Variants in PHACTR3 observed in about 807,000 individuals in gnomAD.
The protein encoded by PHACTR3 is phosphatase and actin regulator 3.
PHACTR3 carries 16 observed loss-of-function variants against 66.8 expected under a neutral mutation model. That is an observed-to-expected ratio of 0.24 (90% CI 0.16 to 0.36). PHACTR3 has a LOEUF of 0.36. Ranked by LOEUF, PHACTR3 falls within the 10% of genes least tolerant of loss-of-function variation. The probability of loss-of-function intolerance (pLI) is 1.00; values close to 1 mark genes in which losing one functional copy is unlikely to be tolerated. For synonymous variants in PHACTR3, 323 were observed against 292.1 expected (o/e 1.11, Z -1.08); for missense variants, 647 against 719.9 (o/e 0.90, Z 1.16).
Position 59,711,427 on chromosome 20 carries a change from C to T in PHACTR3, c.119-31680C>T, listed in dbSNP as rs116765858. On this transcript the variant is annotated intron_variant, in intron 1 of 12. Coordinates refer to ENST00000371015, the MANE Select transcript of PHACTR3 (RefSeq NM_080672.5). ...TAAGCTCATCTTTCCAAATCTTTTC[C>T]AATCTGATGAGTTGATTTTTAAGAA... is the stretch of plus-strand genomic sequence containing the variant. 4.6e-3 allele frequency among the ~76,000 whole-genome samples: 697 copies of T among 152,198 alleles called. 4 individuals are homozygous for T. Among genetic ancestry groups the T allele is most frequent in the African/African-American group, 0.016 (648 of 41,536 alleles).
chr20:59,742,091 C>T (rs1428707686), intron 1 of PHACTR3, among the ~76,000 whole-genome samples: 1 of 152,222 alleles, frequency 6.6e-6, no homozygotes, highest in African/African-American at 2.4e-5. Flanking sequence ...GGAGGGCCCA[C>T]AGACATTTTC....
chr20:59,619,534 A>G (rs2034161395), intron 1 of PHACTR3, among the ~76,000 whole-genome samples: 1 of 151,950 alleles, frequency 6.6e-6, no homozygotes, highest in Admixed American at 6.6e-5. Context: ...CCACTGCTAC[A>G]CTGATTTCAG....
rs1370130106 is a variant in PHACTR3 at position 59,767,369 on chromosome 20, G to A, written c.725G>A (p.Ser242Asn). ...CTGCCCACTCCGCCACCCAAGGCAA[G>A]CTCCAAAACCACAAAAAATGTCACA... ...PLLPTPPPKASSKTTKNVTGQ... is the reference protein window; with the variant it reads ...PLLPTPPPKANSKTTKNVTGQ... The change falls in exon 5 of 13, where the codon AGC becomes AAC. Residue 242 changes from serine (S) to asparagine (N), a missense_variant. This residue lies in a region of PHACTR3 where 577 missense variants were observed against 571.1 expected (regional missense o/e 1.01). Coordinates refer to ENST00000371015, the MANE Select transcript of PHACTR3 (RefSeq NM_080672.5). The A allele has an allele frequency of 1.9e-6, 3 of 1,613,954 alleles. No individual in the cohort carries two copies. In the South Asian group the frequency reaches 3.3e-5, roughly 18 times the overall value.
At chr20:59,581,007 G>A (rs2032840148) in intron 1 of PHACTR3, among the ~76,000 whole-genome samples, 1 of 152,212 alleles carries the variant, frequency 6.6e-6, no homozygotes, top group Non-Finnish European at 1.5e-5. Flanking sequence ...GAGTGGGGAG[G>A]ACTGGACGGC....
chr20:59,776,686 T>C (rs2040548904), intron 7 of PHACTR3, among the ~76,000 whole-genome samples: 1 of 151,988 alleles, frequency 6.6e-6, no homozygotes, highest in South Asian at 2.1e-4. Context: ...GATGGGAATC[T>C]GCATTTCACC....
intron 9 of PHACTR3, among the ~76,000 whole-genome samples, chr20:59,839,537 C>T (rs967716278): frequency 4.6e-5 from 7 of 152,124 alleles, no homozygotes; most frequent in African/African-American, 1.7e-4. Context: ...ATGTTCAGGT[C>T]AGGGACATAA....
At chr20:59,746,616 G>C (rs2039382874) in intron 2 of PHACTR3, among the ~76,000 whole-genome samples, 1 of 152,246 alleles carries the variant, frequency 6.6e-6, no homozygotes, top group African/African-American at 2.4e-5. Context: ...TTGAGTAAGT[G>C]AAATAATTCC....
intron 1 of PHACTR3, among the ~76,000 whole-genome samples, chr20:59,640,553 G>A (rs981054020): frequency 6.6e-6 from 1 of 152,170 alleles, no homozygotes; most frequent in African/African-American, 2.4e-5. Context: ...GCCTGCAGAG[G>A]ATGATCTGCA....
chr20:59,711,856 G>A (rs1035294407), intron 1 of PHACTR3, among the ~76,000 whole-genome samples: 19 of 152,022 alleles, frequency 1.2e-4, no homozygotes, highest in Non-Finnish European at 2.8e-4. Flanking sequence ...TCTTTTTTAA[G>A]TTGTTTACTG....
intron 1 of PHACTR3, among the ~76,000 whole-genome samples, chr20:59,731,323 G>C (rs999697899): frequency 1.2e-4 from 18 of 152,158 alleles, no homozygotes; most frequent in Non-Finnish European, 2.5e-4. Context: ...CAAAGATATA[G>C]GTGGGCCTCT....
chr20:59,742,813 G>A (rs552277809), intron 1 of PHACTR3, among the ~76,000 whole-genome samples: 3 of 152,266 alleles, frequency 2.0e-5, no homozygotes, highest in East Asian at 1.9e-4. Flanking sequence ...GGCAGGCAGC[G>A]TTTCATGCTG....
chr20:59,824,060 C>T (rs970395065), intron 8 of PHACTR3, among the ~76,000 whole-genome samples: 2 of 152,200 alleles, frequency 1.3e-5, no homozygotes, highest in African/African-American at 4.8e-5. Context: ...TTCAAGAAGC[C>T]TCAACCGGTA....
chr20:59,686,250 A>G (rs1329248842), intron 1 of PHACTR3, among the ~76,000 whole-genome samples: 2 of 152,214 alleles, frequency 1.3e-5, no homozygotes. Flanking sequence ...GCTGGGGCCT[A>G]ACTGCCCACG....
At chr20:59,700,004 T>A (rs2037438966) in intron 1 of PHACTR3, among the ~76,000 whole-genome samples, 1 of 152,218 alleles carries the variant, frequency 6.6e-6, no homozygotes, top group South Asian at 2.1e-4. Flanking sequence ...TAAGTTTGCA[T>A]ACTAAACTTG....
chr20:59,671,849 G>A (rs934836774), intron 1 of PHACTR3, among the ~76,000 whole-genome samples: 10 of 152,244 alleles, frequency 6.6e-5, no homozygotes, highest in East Asian at 1.9e-4. Flanking sequence ...GACTACCCAC[G>A]TGGAGAATCC....
intron 2 of PHACTR3, among the ~76,000 whole-genome samples, chr20:59,744,666 C>T (rs1166573196): frequency 6.6e-6 from 1 of 152,148 alleles, no homozygotes; most frequent in African/African-American, 2.4e-5. Context: ...GTGTGCTTTA[C>T]AAAATTATTA....
chr20:59,831,984 G>T (rs989763848), intron 8 of PHACTR3, among the ~76,000 whole-genome samples: 5 of 152,194 alleles, frequency 3.3e-5, no homozygotes, highest in Admixed American at 3.3e-4. Context: ...CAGGGCAGGG[G>T]TCAGCACACT....
intron 8 of PHACTR3, among the ~76,000 whole-genome samples, chr20:59,819,902 C>T (rs1428012743): frequency 1.3e-5 from 2 of 152,256 alleles, no homozygotes; most frequent in Admixed American, 6.5e-5. Flanking sequence ...AGGGCTCTGC[C>T]ATCTATAGCC....
chr20:59,791,105 G>A (rs1468954135), intron 7 of PHACTR3, among the ~76,000 whole-genome samples: 2 of 152,166 alleles, frequency 1.3e-5, no homozygotes, highest in African/African-American at 4.8e-5. Flanking sequence ...CAAAACTCAT[G>A]TTGAAATTTA....
Sources: allele counts gnomAD v4.1 joint callset (sites outside exome capture counted in the v4.1 genomes callset), GRCh38; gene constraint gnomAD v4.1.1; regional missense constraint gnomAD v4.1.1; transcripts MANE v1.5; gene names NCBI Gene and HGNC (gene_info 2026-07-23, HGNC 2026-07-21).